PTPRD: variants seen among roughly 807,000 people sequenced by gnomAD.
PTPRD encodes the protein receptor-type tyrosine-protein phosphatase delta.
Under a neutral mutation model 214.5 loss-of-function variants are expected in PTPRD, and 34 were observed. The ratio of observed to expected loss-of-function variants is 0.16; its 90% confidence interval spans 0.12 to 0.21. The LOEUF (loss-of-function observed/expected upper bound fraction) is 0.21, where lower values mean the gene tolerates loss of function less well. Ranked by LOEUF, PTPRD falls within the 10% of genes least tolerant of loss-of-function variation. The pLI is 1.00. For missense variants in PTPRD, 2,545 were observed against 2,398.7 expected (o/e 1.06, Z -1.27); for synonymous variants, 1,128 against 845.7 (o/e 1.33, Z -5.79).
In PTPRD at chr9:9,608,150, T is replaced by C. The variant is rs192120550; in HGVS notation, c.-286-33369A>G. Among the ~76,000 whole-genome samples, 120 of 152,256 alleles carry C rather than the reference T, an allele frequency of 7.9e-4. 1 individual carries two copies. Among genetic ancestry groups the C allele is most frequent in the Admixed American group, 1.5e-3 (23 of 15,296 alleles). On this transcript the variant is annotated intron_variant, in intron 7 of 45. Transcript: ENST00000381196. ...AGAGGTAATAGTAGTAGCTACCTCA[T>C]TGATTGACATAAGAATTAAGTGAAT...
chr9:8,351,202 A>C (rs1378306360), intron 39 of PTPRD, among the ~76,000 whole-genome samples: 2 of 152,182 alleles, frequency 1.3e-5, no homozygotes, highest in Non-Finnish European at 2.9e-5. Context: ...AGCCCACTTA[A>C]ATATATTGCA....
At chr9:8,500,481 G>A (rs192310530) in intron 24 of PTPRD, among the ~76,000 whole-genome samples, 183 of 146,818 alleles carry the variant, frequency 1.2e-3, no homozygotes, top group African/African-American at 4.4e-3. Flanking sequence ...GCACAGAGAC[G>A]GGCTGGACTG....
chr9:8,439,223 C>T, intron 34 of PTPRD, among the ~76,000 whole-genome samples: 1 of 152,156 alleles, frequency 6.6e-6, no homozygotes, highest in Admixed American at 6.5e-5. Flanking sequence ...GACATGGGTT[C>T]TACTTCTGGT....
chr9:8,920,539 T>C (rs1296061098), intron 11 of PTPRD, among the ~76,000 whole-genome samples: 1 of 152,132 alleles, frequency 6.6e-6, no homozygotes, highest in East Asian at 1.9e-4. Context: ...AGAATTGTCT[T>C]GGGTCACACA....
At chr9:8,342,488 T>C (rs1294279443) in intron 39 of PTPRD, among the ~76,000 whole-genome samples, 2 of 152,088 alleles carry the variant, frequency 1.3e-5, no homozygotes, top group Admixed American at 1.3e-4. Flanking sequence ...CTGAGGACAT[T>C]TATGTGTCAA....
At chr9:9,167,520 C>T (rs761828230) in intron 10 of PTPRD, among the ~76,000 whole-genome samples, 3 of 151,784 alleles carry the variant, frequency 2.0e-5, no homozygotes, top group Non-Finnish European at 2.9e-5. Flanking sequence ...TTTGGGAGAC[C>T]GAGGTGGGTG....
intron 7 of PTPRD, among the ~76,000 whole-genome samples, chr9:9,724,944 C>A (rs1433547144): frequency 6.6e-6 from 1 of 152,090 alleles, no homozygotes; most frequent in African/African-American, 2.4e-5. Flanking sequence ...CAGAACACTA[C>A]CTGGCTTTGG....
intron 11 of PTPRD, among the ~76,000 whole-genome samples, chr9:8,992,482 A>G (rs891936693): frequency 6.6e-6 from 1 of 152,190 alleles, no homozygotes; most frequent in African/African-American, 2.4e-5. Flanking sequence ...CTCTCACTCT[A>G]GAGAGAATGT....
intron 9 of PTPRD, among the ~76,000 whole-genome samples, chr9:9,342,938 T>C (rs911125949): frequency 1.3e-5 from 2 of 152,118 alleles, no homozygotes; most frequent in Admixed American, 6.6e-5. Flanking sequence ...TGTTTCCATG[T>C]GTTCTCATTG....
intron 8 of PTPRD, among the ~76,000 whole-genome samples, chr9:9,563,865 C>A (rs1413050350): frequency 1.3e-5 from 2 of 152,114 alleles, no homozygotes; most frequent in Non-Finnish European, 2.9e-5. Flanking sequence ...GCATTTAAAT[C>A]TTGACTTCAG....
At chr9:10,086,893 A>C (rs539504666) in intron 3 of PTPRD, among the ~76,000 whole-genome samples, 1 of 151,926 alleles carries the variant, frequency 6.6e-6, no homozygotes, top group Admixed American at 6.6e-5. Context: ...TGATCTATAC[A>C]ATTTAATGAA....
intron 43 of PTPRD, 58 bp downstream of exon 43, chr9:8,338,864 A>AGAGAGAGAGAGAGAGG: frequency 3.3e-6 from 5 of 1,500,030 alleles, no homozygotes; most frequent in Non-Finnish European, 4.5e-6. Context: ...AGAGAGAGAG[A>AGAGAGAGAGAGAGAGG]GGTATCTTAG....
intron 9 of PTPRD, among the ~76,000 whole-genome samples, chr9:9,189,779 C>G (rs59782689): frequency 2.0e-5 from 3 of 151,938 alleles, no homozygotes; most frequent in Non-Finnish European, 4.4e-5. Flanking sequence ...TTGCTATGCA[C>G]TCAGGTGGAT....
intron 5 of PTPRD, among the ~76,000 whole-genome samples, chr9:9,803,238 C>T (rs980481038): frequency 7.4e-5 from 11 of 148,234 alleles, no homozygotes; most frequent in Admixed American, 1.4e-4. Context: ...CTGAACTGGA[C>T]GTTTTGATAA....
At chr9:8,548,444 T>G (rs1314286588) in intron 14 of PTPRD, among the ~76,000 whole-genome samples, 2 of 152,026 alleles carry the variant, frequency 1.3e-5, no homozygotes, top group African/African-American at 4.8e-5. Context: ...CTCATCTCAC[T>G]GCAACCTCAC....
chr9:8,838,145 G>T (rs1447063511), intron 11 of PTPRD, among the ~76,000 whole-genome samples: 3 of 152,004 alleles, frequency 2.0e-5, no homozygotes, highest in Non-Finnish European at 4.4e-5. Context: ...TATGATGACT[G>T]ACTTAATCAC....
chr9:9,112,707 G>A (rs180786702), intron 10 of PTPRD, among the ~76,000 whole-genome samples: 1 of 152,202 alleles, frequency 6.6e-6, no homozygotes, highest in East Asian at 1.9e-4. Flanking sequence ...AAATGTGCAG[G>A]CTTAAAATCA....
At chr9:9,538,293 A>G (rs187357218) in intron 8 of PTPRD, among the ~76,000 whole-genome samples, 82 of 152,100 alleles carry the variant, frequency 5.4e-4, no homozygotes, top group Non-Finnish European at 1.0e-3. Context: ...CAAGCACAGC[A>G]CCAGTTAAAA....
intron 14 of PTPRD, 118 bp from the exon 15 acceptor site, chr9:8,528,897 C>G: frequency 1.1e-6 from 1 of 906,632 alleles, no homozygotes; most frequent in Non-Finnish European, 1.7e-6. Context: ...CTAACACAAA[C>G]CAGGCACTAA....
Sources: allele counts gnomAD v4.1 joint callset (sites outside exome capture counted in the v4.1 genomes callset), GRCh38; gene constraint gnomAD v4.1.1; transcripts MANE v1.5; gene names NCBI Gene and HGNC (gene_info 2026-07-23, HGNC 2026-07-21).